The following TET1 variants were observed in gnomAD, a reference collection of about 807,000 sequenced individuals.
TET1 encodes tet methylcytosine dioxygenase 1.
In TET1, 13 loss-of-function variants were observed where a neutral mutation model predicts 148.7. That is an observed-to-expected ratio of 0.09 (90% CI 0.06 to 0.14). The LOEUF (loss-of-function observed/expected upper bound fraction) is 0.14, where lower values mean the gene tolerates loss of function less well. TET1 is among the 10% of genes least tolerant of loss of function. The pLI, the probability that TET1 is intolerant of heterozygous loss-of-function variation, is 1.00. For synonymous variants in TET1, 907 were observed against 937.2 expected, an observed-to-expected ratio of 0.97 and a Z score of 0.59; for missense variants, 2,182 against 2,553.8, an observed-to-expected ratio of 0.85 and a Z score of 3.14.
rs1452899496 is a variant in TET1, at chr10:68,573,645, C to T, written c.1307C>T (p.Pro436Leu). The change falls in exon 2 of 12, where the codon CCT (proline) becomes CTT (leucine). Residue 436 changes from proline (P) to leucine (L), a missense_variant. Pro to Leu is a moderately conservative substitution (Grantham distance 98). Transcript: ENST00000373644. The stretch of plus-strand genomic sequence containing the variant: ...GACTTGCCTGTCTTCCTTCCTGTTC[C>T]TCCAAATCCAATTGCTACCTTTAAT... ...VPDLPVFLPV[P>L]PNPIATFNAP... is the part of the protein sequence containing the mutation. 1.2e-6 allele frequency: 2 copies of T among 1,614,146 alleles called. No homozygotes were observed. The highest frequency in any genetic ancestry group is 1.7e-6 in the Non-Finnish European group (2 of 1,180,036).
At chr10:68,575,845 C>A (rs1370143599) in intron 2 of TET1, among the ~76,000 whole-genome samples, 3 of 151,504 alleles carry the variant, frequency 2.0e-5, no homozygotes, top group Admixed American at 1.3e-4. Context: ...CACGGTGAAA[C>A]CCCGTCTCTA....
chr10:68,682,070 A>T (rs1436832438), intron 9 of TET1, among the ~76,000 whole-genome samples: 1 of 139,582 alleles, frequency 7.2e-6, no homozygotes, highest in Non-Finnish European at 1.5e-5. Context: ...CATTTATGTA[A>T]TTGGACTTTT....
chr10:68,640,167 T>A (rs1234609495), intron 3 of TET1, among the ~76,000 whole-genome samples: 1 of 151,362 alleles, frequency 6.6e-6, no homozygotes, highest in Non-Finnish European at 1.5e-5. Context: ...CCTCAGGTGA[T>A]CCGCCTGCCT....
Position 68,688,547 on chromosome 10 carries a change from G to C in TET1, c.5404+1840G>C, listed in dbSNP as rs1014724885. On this transcript the variant is annotated intron_variant, in intron 11 of 11. Coordinates refer to ENST00000373644, the MANE Select transcript of TET1 (RefSeq NM_030625.3). ...CCTCCCGGGTTCACGCCATTCTCCT[G>C]CCTCAACCTCCCGAGTAGCTGGGAC... Among the ~76,000 whole-genome samples the C allele has an allele frequency of 3.4e-5, 5 of 146,964 alleles. No individual in the cohort carries two copies. The Admixed American group carries it at 3.5e-4, about 10-fold the overall frequency.
intron 1 of TET1, among the ~76,000 whole-genome samples, chr10:68,569,160 G>A (rs760555158): frequency 7.9e-5 from 11 of 139,168 alleles, no homozygotes; most frequent in Non-Finnish European, 1.7e-4. Context: ...CCAGGCAGGA[G>A]AGTTTCTTTT....
chr10:68,645,391 T>C lies in TET1; in HGVS notation c.2662T>C (p.Leu888=), dbSNP rs372758091. The C allele has an allele frequency of 2.5e-6, 4 of 1,614,000 alleles. No individual in the cohort carries two copies. The highest frequency in any genetic ancestry group is 1.3e-5 in the African/African-American group (1 of 74,920). Residue 888 remains leucine, a synonymous_variant, in exon 4 of 12, where the codon TTG becomes CTG. Transcript: ENST00000373644. The stretch of plus-strand genomic sequence containing the variant: ...GTTAATGAAAGATAGGAGATTAACA[T>C]TGGAGCAAGTGGTAGCCATAGAGGC... ...LSLMKDRRLT[L]EQVVAIEALT...
rs779779567 is a variant in TET1, at chr10:68,574,229, C to A, written c.1891C>A (p.Pro631Thr). Reference sequence around the variant, plus strand: ...AAAATGTGAGGAGCTGAAAAAGAAACCATCTGTTGTTGTGCCTCTGGAGGT... The same window carrying A: ...AAAATGTGAGGAGCTGAAAAAGAAAACATCTGTTGTTGTGCCTCTGGAGGT... ...KRKCEELKKK[P>T]SVVVPLEVIK... Residue 631 changes from proline (P) to threonine (T), a missense_variant, in exon 2 of 12, where the codon CCA becomes ACA. Physicochemically the swap from Pro to Thr is conservative, Grantham distance 38 (BLOSUM62 -1). Around this residue, in one of 11 missense-constraint regions of TET1, gnomAD observed 226 missense variants for 307.4 expected, o/e 0.74. Transcript: ENST00000373644. 13 of 1,612,426 alleles carry A rather than the reference C, an allele frequency of 8.1e-6. No homozygotes were observed. Among genetic ancestry groups the A allele is most frequent in the South Asian group, 4.4e-5 (4 of 91,002 alleles).
At chr10:68,674,501 C>T in intron 8 of TET1, 3 of 456,176 alleles carry the variant, frequency 6.6e-6, no homozygotes, top group Non-Finnish European at 1.2e-5. Context: ...CTGATGGCCT[C>T]AAGGGTCGTG....
chr10:68,687,173 G>A (rs1045310478), intron 11 of TET1, among the ~76,000 whole-genome samples: 5 of 138,164 alleles, frequency 3.6e-5, no homozygotes, highest in African/African-American at 1.4e-4. Flanking sequence ...AAAGTGCTGG[G>A]ATTACAGGTG....
intron 3 of TET1, among the ~76,000 whole-genome samples, chr10:68,639,745 C>T (rs1050630496): frequency 6.6e-6 from 1 of 152,036 alleles, no homozygotes; most frequent in Admixed American, 6.6e-5. Flanking sequence ...GGAATACAGG[C>T]GTGAGCCACC....
intron 3 of TET1, among the ~76,000 whole-genome samples, chr10:68,627,548 A>G (rs1260147436): frequency 1.3e-5 from 2 of 152,118 alleles, no homozygotes; most frequent in Non-Finnish European, 2.9e-5. Flanking sequence ...GTGAGCCGAG[A>G]TCGTGCTACT....
rs190080969 is a variant in TET1, at chr10:68,570,261, C to T, written c.-122-1956C>T. Among the ~76,000 whole-genome samples, 752 of 152,100 alleles carry T rather than the reference C, an allele frequency of 4.9e-3. 12 individuals are homozygous for T. Among genetic ancestry groups the T allele is most frequent in the African/African-American group, 0.017 (711 of 41,488 alleles). On this transcript the variant is annotated intron_variant, in intron 1 of 11. Coordinates refer to ENST00000373644, the MANE Select transcript of TET1 (RefSeq NM_030625.3). ...CTGGGATTACAGGCGCCTGCCACCA[C>T]GCCCGGCTAATTTTTGTATTTTTGG...
At position 68,580,313 on chromosome 10, in the gene TET1, A is replaced by ATTTTT. The variant is rs1163318028; in HGVS notation, c.1914+6082_1914+6086dup. 2.1e-3 allele frequency among the ~76,000 whole-genome samples: 129 copies of ATTTTT among 60,440 alleles called. 5 individuals carry two copies. Among genetic ancestry groups the ATTTTT allele is most frequent in the Non-Finnish European group, 2.6e-3 (89 of 34,486 alleles). 39.7% of individuals were successfully genotyped at this position (60,440 alleles called of 152,430 possible). ...AACCAATGCATTTTTATTATATTCA[A>ATTTTT]TTTTTTTTTTTTTTTTTTTTTTTTT... On this transcript the variant is annotated intron_variant, in intron 2 of 11. Coordinates refer to ENST00000373644, the MANE Select transcript of TET1 (RefSeq NM_030625.3).
intron 7 of TET1, among the ~76,000 whole-genome samples, chr10:68,669,650 A>G (rs1345403116): frequency 6.7e-6 from 1 of 150,092 alleles, no homozygotes; most frequent in Non-Finnish European, 1.5e-5. Context: ...CACCACGTCC[A>G]GCCCAGTGAA....
At chr10:68,593,431 T>TA (rs2053941702) in intron 2 of TET1, among the ~76,000 whole-genome samples, 2 of 135,002 alleles carry the variant, frequency 1.5e-5, no homozygotes, top group East Asian at 2.3e-4. Flanking sequence ...TAAAGTTTTT[T>TA]TAAAAAAATT....
chr10:68,602,962 A>C (rs371720386), intron 3 of TET1, among the ~76,000 whole-genome samples: 3 of 152,218 alleles, frequency 2.0e-5, no homozygotes, highest in African/African-American at 7.2e-5. Context: ...TGATGTGTAT[A>C]AAATTCATAG....
chr10:68,604,377 G>C (rs939507511), intron 3 of TET1, among the ~76,000 whole-genome samples: 1 of 152,192 alleles, frequency 6.6e-6, no homozygotes, highest in African/African-American at 2.4e-5. Context: ...GTGTGGGAGG[G>C]TTAAGGAAAG....
At chr10:68,604,403 A>G (rs1282713688) in intron 3 of TET1, among the ~76,000 whole-genome samples, 1 of 152,230 alleles carries the variant, frequency 6.6e-6, no homozygotes, top group Non-Finnish European at 1.5e-5. Context: ...AGGATGGTGA[A>G]GAAATCCAGA....
At position 68,574,093 on chromosome 10, in the gene TET1, G is replaced by T. The variant is rs762232511; in HGVS notation, c.1755G>T (p.Lys585Asn). ...CCACTTTGCTACCGACTTTGGAAAA[G>T]AAGAAAAGAAAGCGATGTGGGGTCT... is the stretch of plus-strand genomic sequence containing the variant. Reference protein sequence around the residue: ...SYTTLLPTLEKKKRKRCGVCE... With the variant: ...SYTTLLPTLENKKRKRCGVCE... Residue 585 changes from lysine (K) to asparagine (N), a missense_variant, in exon 2 of 12, where the codon AAG (lysine) becomes AAT (asparagine). By Grantham distance (94) the Lys-to-Asn change is moderately conservative. Transcript: ENST00000373644. The T allele has an allele frequency of 4.3e-6, 7 of 1,614,146 alleles. No homozygotes were observed. In the East Asian group the frequency reaches 1.6e-4, roughly 36 times the overall value.
Sources: allele counts gnomAD v4.1 joint callset (sites outside exome capture counted in the v4.1 genomes callset), GRCh38; gene constraint gnomAD v4.1.1; regional missense constraint gnomAD v4.1.1; transcripts MANE v1.5; gene names NCBI Gene and HGNC (gene_info 2026-07-23, HGNC 2026-07-21).